The following CADM2 variants were observed in gnomAD, a reference collection of about 807,000 sequenced individuals.
The protein encoded by CADM2 is cell adhesion molecule 2.
Under a neutral mutation model 49.8 loss-of-function variants are expected in CADM2, and 12 were observed. The observed-to-expected ratio is 0.24, with a 90% CI of 0.15 to 0.39. The LOEUF is 0.39. CADM2 is among the 10% of genes least tolerant of loss of function. CADM2 has a pLI of 1.00. For synonymous variants in CADM2, 214 were observed against 175.4 expected, an observed-to-expected ratio of 1.22 and a Z score of -1.74; for missense variants, 378 against 492.3, an observed-to-expected ratio of 0.77 and a Z score of 2.20.
intron 1 of CADM2, among the ~76,000 whole-genome samples, chr3:85,448,053 C>A (rs768713367): frequency 2.6e-5 from 4 of 152,094 alleles, no homozygotes; most frequent in Admixed American, 1.3e-4. Flanking sequence ...GCAAATAGGC[C>A]GGCCGCTGTG....
rs559686150 is a variant in CADM2, at chr3:85,489,580, C to T, written c.62-236942C>T. 2.0e-5 allele frequency among the ~76,000 whole-genome samples: 3 copies of T among 151,828 alleles called. No homozygotes were observed. In the East Asian group the frequency reaches 5.8e-4, roughly 29 times the overall value. Reference sequence around the variant, plus strand: ...ATGACGAGTTAGTGGGTGCAGCGCACCAGAATGGCACATGTATACATATGT... The same window carrying T: ...ATGACGAGTTAGTGGGTGCAGCGCATCAGAATGGCACATGTATACATATGT... On this transcript the variant is annotated intron_variant, in intron 1 of 9. Coordinates refer to ENST00000383699, the MANE Select transcript of CADM2 (RefSeq NM_001167675.2).
intron 8 of CADM2, among the ~76,000 whole-genome samples, chr3:86,025,789 T>A (rs1733842442): frequency 6.6e-6 from 1 of 152,146 alleles, no homozygotes; most frequent in Non-Finnish European, 1.5e-5. Flanking sequence ...ATTTATTTTA[T>A]CTTAACTTTG....
intron 1 of CADM2, among the ~76,000 whole-genome samples, chr3:84,993,742 C>T (rs948252217): frequency 6.6e-6 from 1 of 152,142 alleles, no homozygotes; most frequent in Non-Finnish European, 1.5e-5. Context: ...TCGCTCATTC[C>T]ATGCTCAGTA....
chr3:85,558,234 G>C (rs959387483), intron 1 of CADM2, among the ~76,000 whole-genome samples: 3 of 151,816 alleles, frequency 2.0e-5, no homozygotes, highest in African/African-American at 7.2e-5. Context: ...ATTATTATAA[G>C]AAATATAAGT....
chr3:85,721,947 G>A (rs2067518415), intron 1 of CADM2, among the ~76,000 whole-genome samples: 1 of 152,202 alleles, frequency 6.6e-6, no homozygotes, highest in African/African-American at 2.4e-5. Context: ...AGTTGAGGAG[G>A]AGCTTTATTG....
At position 85,094,955 on chromosome 3, in the gene CADM2, C is replaced by T. The variant is rs950550776; in HGVS notation, c.61+135287C>T. Among the ~76,000 whole-genome samples the T allele has an allele frequency of 4.6e-5, 7 of 152,098 alleles. No individual in the cohort carries two copies. The East Asian group carries it at 1.4e-3, about 29-fold the overall frequency. ...AAATTAAGCATTAATATGTGCCAGT[C>T]TCCGAAAGGACCATGTATATGAATT... On this transcript the variant is annotated intron_variant, in intron 1 of 9. Coordinates refer to ENST00000383699, the MANE Select transcript of CADM2 (RefSeq NM_001167675.2).
At chr3:85,970,119 T>C (rs1472724793) in intron 8 of CADM2, among the ~76,000 whole-genome samples, 4 of 150,362 alleles carry the variant, frequency 2.7e-5, no homozygotes, top group African/African-American at 9.7e-5. Flanking sequence ...AAAAGACGTG[T>C]TTACTTAGCA....
chr3:84,987,960 G>A (rs1194795592), intron 1 of CADM2, among the ~76,000 whole-genome samples: 4 of 152,120 alleles, frequency 2.6e-5, no homozygotes, highest in East Asian at 1.9e-4. Flanking sequence ...CACAGCCCTC[G>A]TATAGGGGGT....
At chr3:84,982,217 T>C (rs984027402) in intron 1 of CADM2, among the ~76,000 whole-genome samples, 1 of 152,184 alleles carries the variant, frequency 6.6e-6, no homozygotes, top group African/African-American at 2.4e-5. Flanking sequence ...GTTCATCTTT[T>C]CAAGGTGATA....
At chr3:85,385,752 A>G (rs1213080074) in intron 1 of CADM2, 1 of 151,140 alleles carries the variant, frequency 6.6e-6, no homozygotes, top group Non-Finnish European at 1.5e-5. Flanking sequence ...TGTTTTGGAC[A>G]TAGAAACATA....
At chr3:84,970,254 A>G (rs2031325588) in intron 1 of CADM2, among the ~76,000 whole-genome samples, 1 of 139,176 alleles carries the variant, frequency 7.2e-6, no homozygotes, top group South Asian at 2.3e-4. Context: ...GATGACACAT[A>G]TATGCTGTGA....
At chr3:85,678,098 C>T (rs914354088) in intron 1 of CADM2, among the ~76,000 whole-genome samples, 1 of 152,126 alleles carries the variant, frequency 6.6e-6, no homozygotes, top group Non-Finnish European at 1.5e-5. Flanking sequence ...TGCTGTACTA[C>T]GTGGGATTGA....
chr3:85,436,405 A>G (rs2036932530), intron 1 of CADM2, among the ~76,000 whole-genome samples: 1 of 152,048 alleles, frequency 6.6e-6, no homozygotes, highest in Non-Finnish European at 1.5e-5. Flanking sequence ...CTATTTTAAT[A>G]TGCTTTATTT....
chr3:85,031,727 A>G (rs560047478), intron 1 of CADM2, among the ~76,000 whole-genome samples: 2 of 151,756 alleles, frequency 1.3e-5, no homozygotes, highest in Middle Eastern at 3.2e-3. Context: ...TCACAGTGTT[A>G]GCCAGGATGG....
intron 3 of CADM2, among the ~76,000 whole-genome samples, chr3:85,813,728 A>C (rs1463331969): frequency 6.6e-6 from 1 of 152,134 alleles, no homozygotes; most frequent in East Asian, 1.9e-4. Flanking sequence ...AGGTGTAGGG[A>C]AGGGGTCCAG....
intron 1 of CADM2, among the ~76,000 whole-genome samples, chr3:85,015,140 T>C (rs1055615408): frequency 2.0e-5 from 3 of 152,064 alleles, no homozygotes; most frequent in Admixed American, 2.0e-4. Context: ...TAAACACATA[T>C]ATGTGTATAT....
intron 1 of CADM2, among the ~76,000 whole-genome samples, chr3:85,088,923 G>A (rs2037488462): frequency 6.6e-6 from 1 of 151,950 alleles, no homozygotes. Context: ...TTTAATCCCA[G>A]AGTCATCATT....
At position 85,484,717 on chromosome 3, in the gene CADM2, A is replaced by G. The variant is rs1417676664; in HGVS notation, c.62-241805A>G. Among the ~76,000 whole-genome samples, 3 of 152,102 alleles carry G rather than the reference A, an allele frequency of 2.0e-5. No homozygotes were observed. The East Asian group carries it at 5.8e-4, about 29-fold the overall frequency. On this transcript the variant is annotated intron_variant, in intron 1 of 9. Coordinates refer to ENST00000383699, the MANE Select transcript of CADM2 (RefSeq NM_001167675.2). ...ATAAGGACAGTGAGTTTAATTGTAC[A>G]ACTTAAAACTGAAACTATTGTAAAT...
intron 5 of CADM2, among the ~76,000 whole-genome samples, chr3:85,893,919 C>T (rs1249755110): frequency 6.6e-6 from 1 of 152,166 alleles, no homozygotes; most frequent in African/African-American, 2.4e-5. Context: ...CGAATTCAAC[C>T]GTTGTGGAAG....
Sources: allele counts gnomAD v4.1 joint callset (sites outside exome capture counted in the v4.1 genomes callset), GRCh38; gene constraint gnomAD v4.1.1; transcripts MANE v1.5; gene names NCBI Gene and HGNC (gene_info 2026-07-23, HGNC 2026-07-21).